CCL17: variants seen among roughly 807,000 people sequenced by gnomAD.
CCL17 encodes C-C motif chemokine ligand 17.
CCL17 carries 8 observed loss-of-function variants against 7.4 expected under a neutral mutation model. The observed-to-expected ratio is 1.09, with a 90% CI of 0.64 to 1.96. CCL17 has a LOEUF of 1.96. Among genes scored for constraint, CCL17 ranks in the 30% most tolerant of loss-of-function variants. CCL17 has a pLI of 0.00. For synonymous variants in CCL17, 40 were observed against 46.1 expected (o/e 0.87, Z 0.54); for missense variants, 102 against 113.0 (o/e 0.90, Z 0.44).
In CCL17 at chr16:57,411,401, T is replaced by C. The variant is rs567357344; in HGVS notation, c.-59-2473T>C. 8.5e-5 allele frequency among the ~76,000 whole-genome samples: 13 copies of C among 152,302 alleles called. No homozygotes were observed. The South Asian group carries it at 2.3e-3, about 27-fold the overall frequency. Reference sequence around the variant, plus strand: ...ACCTTCCTAGTCCAGAACCTTCCACTGCTGCTTTCATGATTTGTTCCCCAG... The same window carrying C: ...ACCTTCCTAGTCCAGAACCTTCCACCGCTGCTTTCATGATTTGTTCCCCAG... On this transcript the variant is annotated intron_variant, in intron 1 of 3. Transcript: ENST00000219244.
At chr16:57,403,619 T>TAATATATATTATATATATTATA (rs1902649898), upstream of CCL17, among the ~76,000 whole-genome samples, 3 of 76,732 alleles carry the variant, frequency 3.9e-5, no homozygotes, top group Non-Finnish European at 7.1e-5. Flanking sequence ...TATATATTTA[T>TAATATATATTATATATATTATA]AATATATATT....
At position 57,416,026 on chromosome 16, in the gene CCL17, A is replaced by G. The variant is rs2094659859; in HGVS notation, c.*165A>G. The G allele has an allele frequency of 6.7e-6, 4 of 594,338 alleles. No individual in the cohort carries two copies. The highest frequency in any genetic ancestry group is 1.2e-5 in the Non-Finnish European group (4 of 329,982). 36.8% of individuals were successfully genotyped at this position (594,338 alleles called of 1,614,324 possible). On this transcript the variant is annotated 3_prime_UTR_variant, in exon 4 of 4. Coordinates refer to ENST00000219244, the MANE Select transcript of CCL17 (RefSeq NM_002987.3). ...CCATCCCCTTGTCTGAACTGGAGCC[A>G]TGGGCACAAAGGGCCCAGATTAAAG...
intron 1 of CCL17, among the ~76,000 whole-genome samples, chr16:57,406,615 G>A (rs1902699930): frequency 6.6e-6 from 1 of 152,132 alleles, no homozygotes; most frequent in Admixed American, 6.6e-5. Flanking sequence ...GCTCAGGGAA[G>A]AACCATGTCC....
chr16:57,398,587 C>A, the CCL17 span, among the ~76,000 whole-genome samples: 1 of 151,896 alleles, frequency 6.6e-6, no homozygotes, highest in Non-Finnish European at 1.5e-5. Context: ...CCCAAGGAAC[C>A]CCTGCAACTG....
chr16:57,397,463 C>G, the CCL17 span, among the ~76,000 whole-genome samples: 1 of 152,218 alleles, frequency 6.6e-6, no homozygotes, highest in African/African-American at 2.4e-5. Context: ...TTGTTCCATA[C>G]CAAGGGTCCT....
the CCL17 span, among the ~76,000 whole-genome samples, chr16:57,396,792 T>C: frequency 6.6e-6 from 1 of 152,232 alleles, no homozygotes; most frequent in Non-Finnish European, 1.5e-5. Context: ...ACTGATGGGA[T>C]AGTAGGTGCC....
At position 57,415,292 on chromosome 16, in the gene CCL17, A is replaced by G. The variant is rs1902852163; in HGVS notation, c.188+94A>G. 2.4e-6 allele frequency: 2 copies of G among 850,912 alleles called. No individual in the cohort carries two copies. The highest frequency in any genetic ancestry group is 4.0e-6 in the Non-Finnish European group (2 of 495,920). The allele number at this position is 850,912 out of a possible 1,614,324, so 52.7% of individuals were successfully genotyped here. A position where few individuals can be genotyped will look rare whatever the true frequency, so the allele number is the denominator to read the frequency against. On this transcript the variant is annotated intron_variant, in intron 3 of 3. Coordinates refer to ENST00000219244, the MANE Select transcript of CCL17 (RefSeq NM_002987.3). The surrounding 1 kb of genome is among the most constrained non-coding windows in gnomAD (Gnocchi z 4.5). ...CAGGACGGCCAATGGGGAGCAGGGA[A>G]GAGACAGCGGGGCCTTCCTCCCCAA...
In CCL17 at chr16:57,415,634, C is replaced by G. The variant is rs1055085755; in HGVS notation, c.189-131C>G. 3.1e-6 allele frequency: 2 copies of G among 655,522 alleles called. No homozygotes were observed. The highest frequency in any genetic ancestry group is 2.3e-5 in the Admixed American group (1 of 44,082). 40.6% of individuals were successfully genotyped at this position (655,522 alleles called of 1,614,324 possible). The stretch of plus-strand genomic sequence containing the variant: ...AAGTCCCAGATCTGCCACCAATGCC[C>G]TGTGTGACAGCAGCAACTTCCTGCC... On this transcript the variant is annotated intron_variant, in intron 3 of 3. Coordinates refer to ENST00000219244, the MANE Select transcript of CCL17 (RefSeq NM_002987.3). This position sits in a 1 kb window ranked among gnomAD's most constrained non-coding sequence, Gnocchi z 4.5.
At chr16:57,412,819 C>T (rs1902805704) in intron 1 of CCL17, among the ~76,000 whole-genome samples, 1 of 152,186 alleles carries the variant, frequency 6.6e-6, no homozygotes, top group African/African-American at 2.4e-5. Context: ...AACAGGGCGA[C>T]CGGCAATTTC....
chr16:57,411,912 G>A (rs1902790707), intron 1 of CCL17, among the ~76,000 whole-genome samples: 1 of 152,204 alleles, frequency 6.6e-6, no homozygotes, highest in Non-Finnish European at 1.5e-5. Flanking sequence ...GAGGTGCCCA[G>A]GCAGGAAGAG....
At chr16:57,409,458 G>A (rs546846822) in intron 1 of CCL17, among the ~76,000 whole-genome samples, 4 of 152,172 alleles carry the variant, frequency 2.6e-5, no homozygotes, top group African/African-American at 4.8e-5. Flanking sequence ...TGAGAGTAAC[G>A]GGGAGGCATT....
chr16:57,401,123 G>T (rs1314475133), upstream of CCL17, among the ~76,000 whole-genome samples: 3 of 152,102 alleles, frequency 2.0e-5, no homozygotes, highest in African/African-American at 7.2e-5. Flanking sequence ...TGAAAAGAAA[G>T]AACTATACAT....
chr16:57,407,746 C>T (rs1194186312), intron 1 of CCL17, among the ~76,000 whole-genome samples: 2 of 151,926 alleles, frequency 1.3e-5, no homozygotes, highest in Non-Finnish European at 2.9e-5. Flanking sequence ...TCCATCCATC[C>T]ATCATCCATC....
chr16:57,408,421 A>G (rs200052421), intron 1 of CCL17, among the ~76,000 whole-genome samples: 2 of 136,166 alleles, frequency 1.5e-5, no homozygotes, highest in Non-Finnish European at 3.0e-5. Flanking sequence ...AAACATATAT[A>G]TATTTTTTGA....
chr16:57,415,735 C>T lies in CCL17; in HGVS notation c.189-30C>T. ...ACTCTGGGGGCCCTTCCCCCCCTGC[C>T]ACTCCTGGTAACGTCCTCCTTCTGT... On this transcript the variant is annotated intron_variant, in intron 3 of 3. Transcript: ENST00000219244. This position sits in a 1 kb window ranked among gnomAD's most constrained non-coding sequence, Gnocchi z 4.5. 2 of 1,457,602 alleles carry T rather than the reference C, an allele frequency of 1.4e-6. No homozygotes were observed. The allele number at this position is 1,457,602 out of a possible 1,614,324, so 90.3% of individuals were successfully genotyped here.
Position 57,414,410 on chromosome 16 carries a change from C to CTTTT in CCL17, c.70+431_70+434dup, listed in dbSNP as rs71152269. Among the ~76,000 whole-genome samples, 32 of 75,994 alleles carry CTTTT rather than the reference C, an allele frequency of 4.2e-4. 3 individuals carry two copies. The highest frequency in any genetic ancestry group is 2.1e-3 in the East Asian group (4 of 1,944). The allele number at this position is 75,994 out of a possible 152,430, so 49.9% of individuals were successfully genotyped here. The stretch of plus-strand genomic sequence containing the variant: ...TTCCAAGAGCATGTAAAAAAGGATT[C>CTTTT]TTTTTTTTTTTTTTTTTTTTTTTTT... On this transcript the variant is annotated intron_variant, in intron 2 of 3. Transcript: ENST00000219244.
chr16:57,414,230 C>T lies in CCL17; in HGVS notation c.70+228C>T, dbSNP rs78450494. The stretch of plus-strand genomic sequence containing the variant: ...CGGGTGGGCTTGGTGAGGACCAAGG[C>T]GAGCACATCTTGGGCTGCAATGGCC... On this transcript the variant is annotated intron_variant, in intron 2 of 3. Coordinates refer to ENST00000219244, the MANE Select transcript of CCL17 (RefSeq NM_002987.3). 8.4e-3 allele frequency among the ~76,000 whole-genome samples: 1,275 copies of T among 151,914 alleles called. 33 individuals carry two copies. Among genetic ancestry groups the T allele is most frequent in the East Asian group, 0.077 (397 of 5,154 alleles).
intron 2 of CCL17, 110 bp downstream of exon 2, chr16:57,414,112 A>C: frequency 1.4e-6 from 1 of 729,500 alleles, no homozygotes; most frequent in South Asian, 2.2e-5. Context: ...CACCCCACCT[A>C]CTCCCACAAA....
chr16:57,414,061 T>C, intron 2 of CCL17, 59 bp downstream of exon 2: 1 of 1,392,032 alleles, frequency 7.2e-7, no homozygotes. Flanking sequence ...GTTGGGGGCA[T>C]GAAGACCACC....
Sources: gnomAD v4.1 joint callset for allele counts (sites outside exome capture counted in the v4.1 genomes callset) on GRCh38, gnomAD v4.1.1 for gene constraint, Gnocchi (gnomAD v3.1) non-coding constraint, MANE v1.5 for transcripts, NCBI Gene and HGNC (gene_info 2026-07-23, HGNC 2026-07-21) for gene names.